Variants in PRKG1 observed in about 807,000 individuals in gnomAD.
The protein encoded by PRKG1 is protein kinase cGMP-dependent 1.
Under a neutral mutation model 88.1 loss-of-function variants are expected in PRKG1, and 35 were observed. The observed-to-expected ratio is 0.40, with a 90% CI of 0.30 to 0.53. The LOEUF (loss-of-function observed/expected upper bound fraction) is 0.53, where lower values mean the gene tolerates loss of function less well. Among genes scored for constraint, PRKG1 ranks in the 20% least tolerant of loss-of-function variants. The probability of loss-of-function intolerance (pLI) is 0.59; values close to 1 mark genes in which losing one functional copy is unlikely to be tolerated. For synonymous variants in PRKG1, 303 were observed against 292.5 expected, an observed-to-expected ratio of 1.04 and a Z score of -0.37; for missense variants, 540 against 839.8, an observed-to-expected ratio of 0.64 and a Z score of 4.41.
intron 5 of PRKG1, among the ~76,000 whole-genome samples, chr10:52,044,105 C>A (rs1904004): frequency 0.053 from 8,016 of 152,048 alleles, 617 homozygotes; most frequent in East Asian, 0.43. Context: ...CCACCAAAGA[C>A]ACAAAGAACT....
At chr10:51,605,357 T>C (rs1005110102) in intron 3 of PRKG1, among the ~76,000 whole-genome samples, 16 of 152,160 alleles carry the variant, frequency 1.1e-4, no homozygotes, top group African/African-American at 3.9e-4. Context: ...GGGCCCTCAT[T>C]AGGGCTCCCT....
chr10:52,288,474 G>A lies in PRKG1; in HGVS notation c.1710-252G>A, dbSNP rs7916242. On this transcript the variant is annotated intron_variant, in intron 14 of 17. Transcript: ENST00000373980. Reference sequence around the variant, plus strand: ...TCTTGAATGACCAAGGACAGCATGAGGGCTTAGACTCCAGCACTTAAAAGA... The same window carrying A: ...TCTTGAATGACCAAGGACAGCATGAAGGCTTAGACTCCAGCACTTAAAAGA... 0.62 allele frequency among the ~76,000 whole-genome samples: 94,229 copies of A among 151,930 alleles called. 29,441 individuals carry two copies. Among genetic ancestry groups the A allele is most frequent in the South Asian group, 0.71 (3,403 of 4,818 alleles).
intron 9 of PRKG1, among the ~76,000 whole-genome samples, chr10:52,201,356 A>G (rs1025475418): frequency 5.3e-5 from 8 of 152,126 alleles, no homozygotes; most frequent in African/African-American, 1.2e-4. Flanking sequence ...CGAAGATCAA[A>G]TGTTTATAGG....
intron 9 of PRKG1, 69 bp downstream of exon 9, chr10:52,162,032 T>C (rs970586268): frequency 1.4e-6 from 2 of 1,405,536 alleles, no homozygotes; most frequent in Non-Finnish European, 9.9e-7. Flanking sequence ...AAATATTTTG[T>C]TGGACTTGAC....
chr10:52,143,127 A>G (rs1837629196), intron 8 of PRKG1, among the ~76,000 whole-genome samples: 1 of 152,216 alleles, frequency 6.6e-6, no homozygotes, highest in African/African-American at 2.4e-5. Context: ...GCTTTAGAAC[A>G]TATAGAAATA....
intron 7 of PRKG1, among the ~76,000 whole-genome samples, chr10:52,066,634 A>C (rs1358557216): frequency 6.6e-6 from 1 of 152,206 alleles, no homozygotes; most frequent in East Asian, 1.9e-4. Flanking sequence ...CTAGTAAAAC[A>C]GGTGGCAAAC....
chr10:51,928,414 C>T (rs954899474), intron 5 of PRKG1, among the ~76,000 whole-genome samples: 1 of 152,134 alleles, frequency 6.6e-6, no homozygotes, highest in Admixed American at 6.6e-5. Flanking sequence ...ATCTTCAGCA[C>T]AGAAAGCCAT....
In PRKG1 at chr10:51,697,419, T is replaced by C. The variant is rs1436377263; in HGVS notation, c.593-107166T>C. The C allele has an allele frequency of 2.2e-5, 9 of 418,040 alleles. No individual in the cohort carries two copies. The Middle Eastern group carries it at 1.9e-3, about 86-fold the overall frequency. 25.9% of individuals were successfully genotyped at this position (418,040 alleles called of 1,614,324 possible). A position where few individuals can be genotyped will look rare whatever the true frequency, so the allele number is the denominator to read the frequency against. The stretch of plus-strand genomic sequence containing the variant: ...TTAACATACTGTAGATGCTTCAATA[T>C]TGCTGCTTATTCTTTGTAATCTTAT... On this transcript the variant is annotated intron_variant, in intron 3 of 17. Coordinates refer to ENST00000373980, the MANE Select transcript of PRKG1 (RefSeq NM_006258.4).
At chr10:51,616,523 G>A (rs1297494989) in intron 3 of PRKG1, among the ~76,000 whole-genome samples, 1 of 152,126 alleles carries the variant, frequency 6.6e-6, no homozygotes, top group East Asian at 1.9e-4. Flanking sequence ...TAGCAGCAGG[G>A]TGGGTAGGCT....
At chr10:51,883,444 A>T (rs1172286381) in intron 4 of PRKG1, among the ~76,000 whole-genome samples, 2 of 152,242 alleles carry the variant, frequency 1.3e-5, no homozygotes, top group African/African-American at 4.8e-5. Context: ...TAGCTAATAC[A>T]TAACAATAAT....
intron 9 of PRKG1, among the ~76,000 whole-genome samples, chr10:52,204,054 G>A (rs1169356673): frequency 2.7e-5 from 4 of 149,516 alleles, no homozygotes; most frequent in Non-Finnish European, 5.9e-5. Context: ...ATTTGATCCT[G>A]TCACCATGTT....
chr10:52,253,801 T>C (rs1245311540), intron 10 of PRKG1, among the ~76,000 whole-genome samples: 1 of 151,994 alleles, frequency 6.6e-6, no homozygotes, highest in African/African-American at 2.4e-5. Context: ...AAACTGTAGA[T>C]ATTACTGCTG....
At chr10:51,373,195 A>G (rs1170804808) in intron 2 of PRKG1, among the ~76,000 whole-genome samples, 1 of 152,200 alleles carries the variant, frequency 6.6e-6, no homozygotes, top group Non-Finnish European at 1.5e-5. Context: ...TACTGTAACT[A>G]TATGTTATCT....
chr10:51,684,222 T>G (rs1589194253), intron 3 of PRKG1, among the ~76,000 whole-genome samples: 1 of 152,196 alleles, frequency 6.6e-6, no homozygotes, highest in East Asian at 1.9e-4. Flanking sequence ...TTAAAAATTA[T>G]GTTAAGTAAA....
chr10:51,324,271 C>T (rs1332414481), intron 2 of PRKG1, among the ~76,000 whole-genome samples: 2 of 152,060 alleles, frequency 1.3e-5, no homozygotes, highest in Non-Finnish European at 2.9e-5. Context: ...CCTTCCAGGC[C>T]TCTAGTAACC....
At chr10:51,564,785 T>C (rs1244995541) in intron 3 of PRKG1, among the ~76,000 whole-genome samples, 1 of 152,110 alleles carries the variant, frequency 6.6e-6, no homozygotes, top group East Asian at 1.9e-4. Flanking sequence ...TCAAGCCTTG[T>C]TTTTTCATTC....
intron 10 of PRKG1, among the ~76,000 whole-genome samples, chr10:52,270,234 G>A (rs1841683884): frequency 1.3e-5 from 2 of 152,138 alleles, no homozygotes; most frequent in African/African-American, 4.8e-5. Flanking sequence ...GTGCTGGAGA[G>A]GATGTGGAGA....
intron 2 of PRKG1, among the ~76,000 whole-genome samples, chr10:51,161,237 T>G (rs910426711): frequency 6.6e-6 from 1 of 152,146 alleles, no homozygotes; most frequent in Non-Finnish European, 1.5e-5. Flanking sequence ...ATACAGTTTT[T>G]TTTTTGGCTA....
chr10:51,930,711 G>A (rs946125312), intron 5 of PRKG1, among the ~76,000 whole-genome samples: 5 of 151,640 alleles, frequency 3.3e-5, no homozygotes, highest in African/African-American at 4.8e-5. Flanking sequence ...GGCTGGTCTC[G>A]AACTCCTGAT....
Sources: allele counts gnomAD v4.1 joint callset (sites outside exome capture counted in the v4.1 genomes callset), GRCh38; gene constraint gnomAD v4.1.1; transcripts MANE v1.5; gene names NCBI Gene and HGNC (gene_info 2026-07-23, HGNC 2026-07-21).